The following RIDA variants were observed in gnomAD, a reference collection of about 807,000 sequenced individuals.
RIDA encodes the protein reactive intermediate imine deaminase A.
RIDA carries 17 observed loss-of-function variants against 17.8 expected under a neutral mutation model. The ratio of observed to expected loss-of-function variants is 0.96; its 90% confidence interval spans 0.65 to 1.43. RIDA has a LOEUF of 1.43. RIDA is among the 40% of genes most tolerant of loss of function. RIDA has a pLI of 0.00. For synonymous variants in RIDA, 48 were observed against 55.7 expected (o/e 0.86, Z 0.62); for missense variants, 158 against 161.7 (o/e 0.98, Z 0.12).
At position 98,103,799 on chromosome 8, in the gene RIDA, G is replaced by C. The variant is rs1815594906; in HGVS notation, c.351+690C>G. Among the ~76,000 whole-genome samples, 3 of 151,990 alleles carry C rather than the reference G, an allele frequency of 2.0e-5. No individual in the cohort carries two copies. In the South Asian group the frequency reaches 6.2e-4, roughly 32 times the overall value. On this transcript the variant is annotated intron_variant, in intron 5 of 5. Coordinates refer to ENST00000254878, the MANE Select transcript of RIDA (RefSeq NM_005836.3). Reference sequence around the variant, plus strand: ...CTACAGGCGTCCGCCACCACACCCGGCTAATTTTTTTTTGTATTTTTAGTA... The same window carrying C: ...CTACAGGCGTCCGCCACCACACCCGCCTAATTTTTTTTTGTATTTTTAGTA...
chr8:98,108,928 A>C (rs898551210), intron 1 of RIDA, among the ~76,000 whole-genome samples, 177 bp from the exon 2 acceptor site: 1 of 152,094 alleles, frequency 6.6e-6, no homozygotes, highest in African/African-American at 2.4e-5. Flanking sequence ...GAAAATGAAA[A>C]GGGGCTGGGT....
chr8:98,107,594 G>GTTTTA (rs1002502708), intron 2 of RIDA, among the ~76,000 whole-genome samples: 8 of 152,046 alleles, frequency 5.3e-5, no homozygotes, highest in Non-Finnish European at 7.4e-5. Context: ...ATAGTTTATT[G>GTTTTA]TTTTATTTTA....
rs1180651127 is a variant in RIDA at position 98,108,852 on chromosome 8, A to C, written c.66-101T>G. On this transcript the variant is annotated intron_variant, in intron 1 of 5. Coordinates refer to ENST00000254878, the MANE Select transcript of RIDA (RefSeq NM_005836.3). ...GGACAGAGAAGTATAAATTGTAAAA[A>C]AAAAAAAACAGATACATTGGACTTC... 73 of 671,258 alleles carry C rather than the reference A, an allele frequency of 1.1e-4. No individual in the cohort carries two copies. In the Admixed American group the frequency reaches 1.8e-3, roughly 17 times the overall value. The allele number at this position is 671,258 out of a possible 1,614,324, so 41.6% of individuals were successfully genotyped here.
intron 1 of RIDA, chr8:98,113,634 C>G (rs963396319): frequency 6.6e-6 from 1 of 152,126 alleles, no homozygotes; most frequent in Non-Finnish European, 1.5e-5. Flanking sequence ...TGACTCCCAC[C>G]TACCTTCAAG....
At chr8:98,111,750 G>A (rs1455728885) in intron 1 of RIDA, among the ~76,000 whole-genome samples, 1 of 151,698 alleles carries the variant, frequency 6.6e-6, no homozygotes, top group Non-Finnish European at 1.5e-5. Context: ...TTTATTTCAT[G>A]AAGTTTTCCT....
rs927322828 is a variant in RIDA at position 98,102,558 on chromosome 8, C to G, written c.*284G>C. ...AGGAATAGTAACTCTTCTTTCCTAC[C>G]TGGTATTTCTCTTTTGTTTACTGAG... On this transcript the variant is annotated 3_prime_UTR_variant, in exon 6 of 6. Transcript: ENST00000254878. The G allele has an allele frequency of 8.1e-6, 2 of 247,470 alleles. No individual in the cohort carries two copies. The highest frequency in any genetic ancestry group is 4.5e-5 in the African/African-American group (2 of 44,936). The allele number at this position is 247,470 out of a possible 1,614,324, so 15.3% of individuals were successfully genotyped here.
At chr8:98,103,854 G>T (rs966268659) in intron 5 of RIDA, among the ~76,000 whole-genome samples, 1 of 151,900 alleles carries the variant, frequency 6.6e-6, no homozygotes. Context: ...GAGCCAGGAT[G>T]GTCTCGATCT....
chr8:98,108,420 C>T (rs1344799728), intron 2 of RIDA, among the ~76,000 whole-genome samples: 2 of 151,532 alleles, frequency 1.3e-5, no homozygotes, highest in African/African-American at 4.9e-5. Context: ...TTTAAGGTCA[C>T]CTTAGTGTTA....
At position 98,108,759 on chromosome 8, in the gene RIDA, A is replaced by C; in HGVS notation, c.66-8T>G. On this transcript the variant is annotated splice_polypyrimidine_tract_variant and splice_region_variant and intron_variant, in intron 1 of 5. Transcript: ENST00000254878. ...TCGACTAATACAGCTTGACTGCAAT[A>C]AACAGAAAGCTAGTGTATTTATGTA... 6.5e-7 allele frequency: 1 copy of C among 1,549,234 alleles called. No homozygotes were observed.
At position 98,110,948 on chromosome 8, in the gene RIDA, C is replaced by T. The variant is rs187524468; in HGVS notation, c.66-2197G>A. 5.0e-3 allele frequency among the ~76,000 whole-genome samples: 759 copies of T among 152,306 alleles called. 4 individuals carry two copies. The highest frequency in any genetic ancestry group is 9.1e-3 in the Non-Finnish European group (617 of 68,024). On this transcript the variant is annotated intron_variant, in intron 1 of 5. Transcript: ENST00000254878. ...ACTCTCTCTTGCTTGCCATCATATA[C>T]GATGTGCCTCTTCCCCTTCCGCCAT...
At chr8:98,108,303 G>C (rs913757894) in intron 2 of RIDA, among the ~76,000 whole-genome samples, 2 of 147,716 alleles carry the variant, frequency 1.4e-5, no homozygotes, top group African/African-American at 4.9e-5. Context: ...CTTCTGTGGT[G>C]GTAATTTTTT....
At chr8:98,115,919 AG>A (rs1444025086) in intron 1 of RIDA, among the ~76,000 whole-genome samples, 1 of 151,718 alleles carries the variant, frequency 6.6e-6, no homozygotes, top group African/African-American at 2.4e-5. Context: ...GTAAATTATA[AG>A]TGATATACAG....
At chr8:98,113,795 G>A (rs1815762001) in intron 1 of RIDA, 1 of 152,094 alleles carries the variant, frequency 6.6e-6, no homozygotes, top group Admixed American at 6.6e-5. Flanking sequence ...CCTCTTGTTT[G>A]GAGGTAAAGA....
chr8:98,104,863 A>C lies in RIDA; in HGVS notation c.296-319T>G, dbSNP rs182328342. Among the ~76,000 whole-genome samples the C allele has an allele frequency of 2.2e-3, 330 of 152,090 alleles. 3 individuals are homozygous for C. Among genetic ancestry groups the C allele is most frequent in the African/African-American group, 7.8e-3 (324 of 41,490 alleles). ...GTAGCTGGGATTACAGGTGTGCACC[A>C]CCATGCCTGGCTCATTTTTGTATTT... On this transcript the variant is annotated intron_variant, in intron 4 of 5. Transcript: ENST00000254878.
chr8:98,113,862 G>A (rs1441704517), intron 1 of RIDA: 1 of 151,814 alleles, frequency 6.6e-6, no homozygotes, highest in Non-Finnish European at 1.5e-5. Context: ...GGCAGAAGGA[G>A]AAAAAAAATC....
Position 98,104,548 on chromosome 8 carries a change from A to G in RIDA, c.296-4T>C. On this transcript the variant is annotated splice_region_variant and splice_polypyrimidine_tract_variant and intron_variant, in intron 4 of 5. Coordinates refer to ENST00000254878, the MANE Select transcript of RIDA (RefSeq NM_005836.3). ...GCAGGAAAATTACTCTTGAAATCTG[A>G]ATTTAAAAGAATTTCATTTTTTTAA... 1 of 1,537,312 alleles carries G rather than the reference A, an allele frequency of 6.5e-7. No homozygotes were observed. The highest frequency in any genetic ancestry group is 9.0e-7 in the Non-Finnish European group (1 of 1,116,166).
At chr8:98,109,591 C>T (rs1043700681) in intron 1 of RIDA, among the ~76,000 whole-genome samples, 2 of 152,030 alleles carry the variant, frequency 1.3e-5, no homozygotes, top group Non-Finnish European at 1.5e-5. Context: ...ATTTAACATA[C>T]AACCCAGCAA....
intron 4 of RIDA, 45 bp from the exon 5 acceptor site, chr8:98,104,589 AAAAT>A (rs1387104315): frequency 9.0e-7 from 1 of 1,111,838 alleles, no homozygotes; most frequent in South Asian, 1.3e-5. Flanking sequence ...AAGAGTTGAA[AAAAT>A]AAAGATCAAG....
intron 1 of RIDA, among the ~76,000 whole-genome samples, chr8:98,113,996 T>G (rs1815765035): frequency 1.3e-5 from 2 of 152,182 alleles, no homozygotes; most frequent in South Asian, 4.1e-4. Context: ...TTAAAAACAT[T>G]TAGCCTGGGC....
Sources: allele counts gnomAD v4.1 joint callset (sites outside exome capture counted in the v4.1 genomes callset), GRCh38; gene constraint gnomAD v4.1.1; transcripts MANE v1.5; gene names NCBI Gene and HGNC (gene_info 2026-07-23, HGNC 2026-07-21).